SATB2: variants seen among roughly 807,000 people sequenced by gnomAD.
SATB2 encodes SATB homeobox 2.
In SATB2, 1 loss-of-function variant was observed where a neutral mutation model predicts 73.4. The ratio of observed to expected loss-of-function variants is 0.01; its 90% CI spans 0.00 to 0.06. The LOEUF is 0.06. Among genes scored for constraint, SATB2 ranks in the 10% least tolerant of loss-of-function variants. SATB2 has a pLI of 1.00. For missense variants in SATB2, 459 were observed against 945.8 expected (o/e 0.49, Z 6.75); for synonymous variants, 397 against 367.0 (o/e 1.08, Z -0.93).
chr2:199,316,503 T>C (rs1041181599), intron 9 of SATB2, among the ~76,000 whole-genome samples: 1 of 152,144 alleles, frequency 6.6e-6, no homozygotes, highest in African/African-American at 2.4e-5. Context: ...TTCAAAATTG[T>C]ATACTAAATT....
intron 10 of SATB2, among the ~76,000 whole-genome samples, chr2:199,305,929 T>C (rs1272737143): frequency 1.3e-5 from 2 of 151,380 alleles, no homozygotes; most frequent in Non-Finnish European, 2.9e-5. Flanking sequence ...CTCTTAATAA[T>C]CACTGATTTT....
At chr2:199,339,126 CACAA>C (rs1559169980) in intron 7 of SATB2, among the ~76,000 whole-genome samples, 1 of 152,034 alleles carries the variant, frequency 6.6e-6, no homozygotes, top group African/African-American at 2.4e-5. Flanking sequence ...ATAGGCAGAG[CACAA>C]ACAAAGCCAT....
intron 3 of SATB2, among the ~76,000 whole-genome samples, chr2:199,384,026 G>A (rs1689857267): frequency 6.6e-6 from 1 of 152,062 alleles, no homozygotes; most frequent in Admixed American, 6.6e-5. Flanking sequence ...ATACATTTTT[G>A]TATGTAAATT....
chr2:199,349,116 A>T lies in SATB2; in HGVS notation c.758T>A (p.Met253Lys). Residue 253 changes from methionine to lysine, a missense_variant, in exon 7 of 11, where the codon ATG (methionine) becomes AAG (lysine). By Grantham distance (95) the Met-to-Lys change is moderately conservative. Coordinates refer to ENST00000417098, the MANE Select transcript of SATB2 (RefSeq NM_001172509.2). The part of the protein sequence containing the change: ...SDYCVLGQRP[M>K]HLPNMNQLAS... ...CAGCTGGTTCATATTTGGTAAATGC[A>T]TTGGACGCTGGCCCAGAACACAATA... The T allele has an allele frequency of 6.2e-7, 1 of 1,614,072 alleles. No homozygotes were observed. Among genetic ancestry groups the T allele is most frequent in the Non-Finnish European group, 8.5e-7 (1 of 1,179,982 alleles).
At chr2:199,273,333 T>C (rs529683763) in intron 10 of SATB2, among the ~76,000 whole-genome samples, 1 of 152,252 alleles carries the variant, frequency 6.6e-6, no homozygotes, top group African/African-American at 2.4e-5. Context: ...CAAAAACAAA[T>C]GAACATGGCT....
intron 6 of SATB2, among the ~76,000 whole-genome samples, chr2:199,361,630 A>C (rs2105841137): frequency 6.6e-6 from 1 of 151,640 alleles, no homozygotes; most frequent in East Asian, 1.9e-4. Context: ...TTGCTGAAAA[A>C]CCTTCAAGGA....
chr2:199,387,687 T>TA (rs1413607980), intron 3 of SATB2, among the ~76,000 whole-genome samples: 1 of 152,222 alleles, frequency 6.6e-6, no homozygotes, highest in Non-Finnish European at 1.5e-5. Flanking sequence ...ACAGTATGAA[T>TA]AAAACCGTCT....
intron 3 of SATB2, among the ~76,000 whole-genome samples, chr2:199,428,856 T>C (rs1332762903): frequency 6.6e-6 from 1 of 151,228 alleles, no homozygotes; most frequent in African/African-American, 2.4e-5. Context: ...AAAAATAAAG[T>C]AAAAATTAGG....
At chr2:199,437,991 T>C (rs889584163) in intron 2 of SATB2, among the ~76,000 whole-genome samples, 43 of 152,186 alleles carry the variant, frequency 2.8e-4, no homozygotes, top group Non-Finnish European at 5.9e-4. Flanking sequence ...AAACTACCTG[T>C]CCATCACAGT....
intron 10 of SATB2, among the ~76,000 whole-genome samples, chr2:199,297,764 C>G (rs1297055245): frequency 6.6e-6 from 1 of 150,740 alleles, no homozygotes; most frequent in Non-Finnish European, 1.5e-5. Flanking sequence ...AGAGATGATA[C>G]AGAGGCTGAA....
intron 9 of SATB2, among the ~76,000 whole-genome samples, chr2:199,311,331 T>C (rs1047587090): frequency 6.6e-6 from 1 of 152,122 alleles, no homozygotes; most frequent in Non-Finnish European, 1.5e-5. Flanking sequence ...TTTGCTTGGC[T>C]GATCAGATTA....
intron 3 of SATB2, among the ~76,000 whole-genome samples, chr2:199,410,757 C>T (rs972399380): frequency 2.0e-5 from 3 of 152,130 alleles, no homozygotes; most frequent in African/African-American, 7.2e-5. Context: ...ACAGGAATGA[C>T]ATCATAAGGG....
intron 3 of SATB2, among the ~76,000 whole-genome samples, chr2:199,413,654 G>A (rs1481480671): frequency 6.6e-6 from 1 of 150,386 alleles, no homozygotes; most frequent in African/African-American, 2.4e-5. Context: ...TCCTGAGACT[G>A]AGATAAAGAC....
chr2:199,332,607 T>A (rs1688219564), intron 7 of SATB2, among the ~76,000 whole-genome samples: 3 of 152,090 alleles, frequency 2.0e-5, no homozygotes, highest in Admixed American at 2.0e-4. Context: ...AAATGAAAAA[T>A]TAATGCCCTT....
intron 10 of SATB2, among the ~76,000 whole-genome samples, chr2:199,279,724 G>A (rs1052152199): frequency 5.9e-5 from 9 of 152,126 alleles, no homozygotes; most frequent in African/African-American, 1.4e-4. Flanking sequence ...TTTTATCCAC[G>A]TTTATTTTGG....
chr2:199,409,348 TTA>T (rs1690739737), intron 3 of SATB2, among the ~76,000 whole-genome samples: 2 of 152,078 alleles, frequency 1.3e-5, no homozygotes, highest in East Asian at 3.9e-4. Flanking sequence ...TTTTGTATTT[TTA>T]GTAGAGACAG....
chr2:199,274,054 G>A (rs973393620), intron 10 of SATB2, among the ~76,000 whole-genome samples: 1 of 152,206 alleles, frequency 6.6e-6, no homozygotes, highest in Non-Finnish European at 1.5e-5. Flanking sequence ...CTATACTTAG[G>A]TCAGTGCCTA....
chr2:199,306,135 T>G (rs1216258735), intron 10 of SATB2, among the ~76,000 whole-genome samples: 1 of 152,176 alleles, frequency 6.6e-6, no homozygotes, highest in East Asian at 1.9e-4. Context: ...TTTTGGACAA[T>G]TACAGACCTT....
chr2:199,330,594 G>A (rs1287913155), intron 7 of SATB2, among the ~76,000 whole-genome samples: 1 of 152,160 alleles, frequency 6.6e-6, no homozygotes, highest in African/African-American at 2.4e-5. Flanking sequence ...TAGAAGCAAC[G>A]AGTGAGACAC....
Sources: allele counts gnomAD v4.1 joint callset (sites outside exome capture counted in the v4.1 genomes callset), GRCh38; gene constraint gnomAD v4.1.1; transcripts MANE v1.5; gene names NCBI Gene and HGNC (gene_info 2026-07-23, HGNC 2026-07-21).